ACTR3: variants seen among roughly 807,000 people sequenced by gnomAD.
ACTR3 encodes actin related protein 3, also known as actin-related protein 3.
ACTR3 carries 12 observed loss-of-function variants against 56.8 expected under a neutral mutation model. The ratio of observed to expected loss-of-function variants is 0.21; its 90% CI spans 0.14 to 0.34. The LOEUF (loss-of-function observed/expected upper bound fraction) is 0.34. Ranked by LOEUF, ACTR3 falls within the 10% of genes least tolerant of loss-of-function variation. The probability of loss-of-function intolerance (pLI) is 1.00; values close to 1 mark genes in which losing one functional copy is unlikely to be tolerated. For synonymous variants in ACTR3, 162 were observed against 167.4 expected, an observed-to-expected ratio of 0.97 and a Z score of 0.25; for missense variants, 282 against 512.5, an observed-to-expected ratio of 0.55 and a Z score of 4.34.
In ACTR3 at chr2:113,958,787, A is replaced by G. The variant is rs905266957; in HGVS notation, c.*1332A>G. 7.9e-5 allele frequency: 12 copies of G among 152,034 alleles called. No individual in the cohort carries two copies. Among genetic ancestry groups the G allele is most frequent in the Non-Finnish European group, 1.6e-4 (11 of 67,912 alleles). The allele number at this position is 152,034 out of a possible 1,614,324, so 9.4% of individuals were successfully genotyped here. A position where few individuals can be genotyped will look rare whatever the true frequency, so the allele number is the denominator to read the frequency against. On this transcript the variant is annotated 3_prime_UTR_variant, in exon 12 of 12. Coordinates refer to ENST00000263238, the MANE Select transcript of ACTR3 (RefSeq NM_005721.5). ...AATGTTTTATAGGCTTTTTACTAGC[A>G]GTATCAGTGAACACTTGAACTCCAT...
chr2:113,912,791 C>T (rs999172100), intron 1 of ACTR3, among the ~76,000 whole-genome samples: 1 of 152,188 alleles, frequency 6.6e-6, no homozygotes, highest in Non-Finnish European at 1.5e-5. Context: ...AGAGCTTCCT[C>T]ATTCTATTTT....
At chr2:113,948,438 C>G (rs142166261) in intron 8 of ACTR3, among the ~76,000 whole-genome samples, 2 of 152,348 alleles carry the variant, frequency 1.3e-5, no homozygotes, top group Non-Finnish European at 1.5e-5. Context: ...GAATGAGCCA[C>G]TGTGCCCAGC....
intron 1 of ACTR3, among the ~76,000 whole-genome samples, chr2:113,895,077 T>A (rs2047884): frequency 1.3e-5 from 1 of 78,056 alleles, no homozygotes; most frequent in Non-Finnish European, 3.4e-5. Flanking sequence ...CCCACCCCCC[T>A]GCCGATATGT....
chr2:113,951,408 T>C (rs771371361), intron 8 of ACTR3, 71 bp from the exon 9 acceptor site: 4 of 1,081,306 alleles, frequency 3.7e-6, no homozygotes, highest in Admixed American at 2.1e-5. Flanking sequence ...CTGAAAACTT[T>C]GTTTAACCTT....
At chr2:113,936,228 G>C (rs1679822620) in intron 6 of ACTR3, among the ~76,000 whole-genome samples, 6 of 150,632 alleles carry the variant, frequency 4.0e-5, no homozygotes, top group Admixed American at 6.6e-5. Flanking sequence ...GAGAGGTTGA[G>C]GCTGCAGTGA....
intron 10 of ACTR3, chr2:113,955,391 T>C: frequency 5.4e-6 from 2 of 371,216 alleles, no homozygotes; most frequent in Admixed American, 4.4e-5. Context: ...ATAAAACATG[T>C]GCTCATTGTT....
chr2:113,925,921 C>CA (rs1478077311), intron 3 of ACTR3, among the ~76,000 whole-genome samples: 1 of 152,192 alleles, frequency 6.6e-6, no homozygotes, highest in Non-Finnish European at 1.5e-5. Context: ...CAGAGGTTCA[C>CA]AAACTTTCTC....
intron 1 of ACTR3, among the ~76,000 whole-genome samples, chr2:113,905,934 T>C (rs1024349332): frequency 2.0e-5 from 3 of 152,252 alleles, no homozygotes; most frequent in Non-Finnish European, 4.4e-5. Flanking sequence ...CTTTTAGCTA[T>C]TGCAGATATT....
At chr2:113,902,436 A>ATTGTACT (rs1411643113) in intron 1 of ACTR3, among the ~76,000 whole-genome samples, 3 of 151,976 alleles carry the variant, frequency 2.0e-5, no homozygotes, top group Non-Finnish European at 2.9e-5. Flanking sequence ...AACCTCAGCT[A>ATTGTACT]CAGGATTTTA....
intron 6 of ACTR3, among the ~76,000 whole-genome samples, chr2:113,939,700 A>G (rs1307696199): frequency 6.6e-6 from 1 of 152,220 alleles, no homozygotes; most frequent in African/African-American, 2.4e-5. Context: ...TTTGATATTT[A>G]TATTTTGAAA....
At chr2:113,897,288 A>G (rs1183935265) in intron 1 of ACTR3, among the ~76,000 whole-genome samples, 3 of 152,164 alleles carry the variant, frequency 2.0e-5, no homozygotes, top group Non-Finnish European at 4.4e-5. Context: ...ATAACTTTAT[A>G]TGGGCCTTTA....
chr2:113,901,312 C>A (rs765575629), intron 1 of ACTR3, among the ~76,000 whole-genome samples: 1 of 152,222 alleles, frequency 6.6e-6, no homozygotes, highest in Non-Finnish European at 1.5e-5. Flanking sequence ...GGGCCAAGAT[C>A]GCGCTGTCGC....
intron 1 of ACTR3, among the ~76,000 whole-genome samples, chr2:113,899,682 C>G (rs150971486): frequency 6.6e-6 from 1 of 152,278 alleles, no homozygotes; most frequent in East Asian, 1.9e-4. Context: ...GACTTCAAAT[C>G]TAGGATGTGA....
intron 11 of ACTR3, among the ~76,000 whole-genome samples, 183 bp from the exon 12 acceptor site, chr2:113,957,177 A>C (rs915301205): frequency 2.6e-5 from 4 of 152,174 alleles, no homozygotes; most frequent in African/African-American, 9.7e-5. Context: ...TCCGATAAAG[A>C]TTTATAGCTG....
chr2:113,924,239 A>T (rs995678653), intron 3 of ACTR3, among the ~76,000 whole-genome samples: 2 of 150,816 alleles, frequency 1.3e-5, no homozygotes, highest in Admixed American at 6.6e-5. Context: ...CTGGCTAATT[A>T]AAAATTTTTT....
intron 4 of ACTR3, 80 bp downstream of exon 4, chr2:113,927,535 T>C (rs114812278): frequency 0.014 from 12,520 of 899,056 alleles, 132 homozygotes; most frequent in Admixed American, 0.02. Context: ...TTCTTTGGTA[T>C]ACTTTGGTTA....
intron 5 of ACTR3, chr2:113,933,882 G>C (rs1157305320): frequency 6.1e-6 from 1 of 163,704 alleles, no homozygotes; most frequent in African/African-American, 2.4e-5. Context: ...GGGTTTCCCC[G>C]TGTTAGCCAG....
At chr2:113,944,927 G>A (rs1156884384) in intron 8 of ACTR3, among the ~76,000 whole-genome samples, 2 of 152,110 alleles carry the variant, frequency 1.3e-5, no homozygotes, top group South Asian at 2.1e-4. Flanking sequence ...GTGTCCTCTC[G>A]CCTCCCCCAG....
chr2:113,891,900 T>C (rs1678909244), intron 1 of ACTR3, among the ~76,000 whole-genome samples: 1 of 152,202 alleles, frequency 6.6e-6, no homozygotes, highest in Admixed American at 6.5e-5. Context: ...TTTTTTTATT[T>C]CTCCCTTCTT....
Sources: allele counts gnomAD v4.1 joint callset (sites outside exome capture counted in the v4.1 genomes callset), GRCh38; gene constraint gnomAD v4.1.1; transcripts MANE v1.5; gene names NCBI Gene and HGNC (gene_info 2026-07-23, HGNC 2026-07-21).